The following XPO6 variants were observed in gnomAD, a reference collection of about 807,000 sequenced individuals.
XPO6 encodes exportin 6, also known as exportin-6.
Under a neutral mutation model 130.0 loss-of-function variants are expected in XPO6, and 3 were observed. The observed-to-expected ratio is 0.02, with a 90% CI of 0.01 to 0.06. The LOEUF is 0.06. Ranked by LOEUF, XPO6 falls within the 10% of genes least tolerant of loss-of-function variation. The probability of loss-of-function intolerance (pLI) is 1.00; values close to 1 mark genes in which losing one functional copy is unlikely to be tolerated. For synonymous variants in XPO6, 524 were observed against 548.9 expected (o/e 0.95, Z 0.63); for missense variants, 970 against 1,393.0 (o/e 0.70, Z 4.83).
At chr16:28,178,438 A>G (rs2043565003) in intron 2 of XPO6, among the ~76,000 whole-genome samples, 1 of 151,408 alleles carries the variant, frequency 6.6e-6, no homozygotes, top group African/African-American at 2.4e-5. Flanking sequence ...ATATGGTGGT[A>G]AGTGCCTGTA....
At chr16:28,156,605 A>AAAAAT in intron 6 of XPO6, 78 bp from the exon 7 acceptor site, 1 of 877,684 alleles carries the variant, frequency 1.1e-6, no homozygotes, top group Non-Finnish European at 1.7e-6. Context: ...CCTTCAAAAA[A>AAAAAT]ATATATATAT....
At chr16:28,163,944 A>G (rs549886113) in intron 6 of XPO6, among the ~76,000 whole-genome samples, 33 of 152,266 alleles carry the variant, frequency 2.2e-4, no homozygotes, top group African/African-American at 7.7e-4. Flanking sequence ...AGTGATCACT[A>G]TTGCAGCCAG....
At chr16:28,144,447 C>A (rs1296832085) in intron 9 of XPO6, among the ~76,000 whole-genome samples, 1 of 152,188 alleles carries the variant, frequency 6.6e-6, no homozygotes, top group Non-Finnish European at 1.5e-5. Context: ...TGTTCCCAGC[C>A]TGGAGAGCAG....
chr16:28,122,826 G>GTGGGTT (rs1445930866), intron 13 of XPO6, among the ~76,000 whole-genome samples: 1 of 152,046 alleles, frequency 6.6e-6, no homozygotes, highest in African/African-American at 2.4e-5. Flanking sequence ...AATCTATGTG[G>GTGGGTT]TGGGTATATG....
Position 28,152,751 on chromosome 16 carries a change from A to C in XPO6, c.1132T>G (p.Phe378Val). ...IEKFTDFLRL[F>V]VSVHLRRIES... ...ATTCTTCTTAGGTGAACACTCACAAAGAGCCGAAGAAAGTCAGTAAACTTC... is the reference window on the plus strand; with the variant it reads ...ATTCTTCTTAGGTGAACACTCACAACGAGCCGAAGAAAGTCAGTAAACTTC... Residue 378 changes from phenylalanine to valine, a missense_variant, in exon 8 of 24, where the codon TTT becomes GTT. Phe to Val is a conservative substitution (Grantham distance 50). This residue lies in a region of XPO6 where 936 missense variants were observed against 1,306.8 expected (regional missense o/e 0.72). Coordinates refer to ENST00000304658, the MANE Select transcript of XPO6 (RefSeq NM_015171.4). The C allele has an allele frequency of 6.2e-7, 1 of 1,613,676 alleles. No homozygotes were observed. The highest frequency in any genetic ancestry group is 1.7e-4 in the Middle Eastern group (1 of 6,058).
At chr16:28,167,629 G>C (rs1226268043) in intron 5 of XPO6, among the ~76,000 whole-genome samples, 1 of 152,112 alleles carries the variant, frequency 6.6e-6, no homozygotes, top group African/African-American at 2.4e-5. Context: ...ATCTTTAACT[G>C]TTTACTTGTG....
At chr16:28,211,187 TG>T (rs1005125214) in intron 1 of XPO6, among the ~76,000 whole-genome samples, 178 bp downstream of exon 1, 2 of 152,090 alleles carry the variant, frequency 1.3e-5, no homozygotes, top group African/African-American at 4.8e-5. Flanking sequence ...CCATCATCCC[TG>T]GGGGGATGGG....
intron 12 of XPO6, among the ~76,000 whole-genome samples, chr16:28,130,162 A>C (rs2042636652): frequency 6.6e-6 from 1 of 152,238 alleles, no homozygotes; most frequent in South Asian, 2.1e-4. Flanking sequence ...GCTCTGACAA[A>C]AGCAAAAGTG....
At position 28,098,265 on chromosome 16, in the gene XPO6, C is replaced by T. The variant is rs762553918; in HGVS notation, c.*273G>A. The T allele has an allele frequency of 3.3e-5, 12 of 362,680 alleles. No individual in the cohort carries two copies. Among genetic ancestry groups the T allele is most frequent in the Non-Finnish European group, 5.6e-5 (11 of 197,154 alleles). The allele number at this position is 362,680 out of a possible 1,614,324, so 22.5% of individuals were successfully genotyped here. ...TGCGCCTGGTCTGCATGGGCCACCC[C>T]GCGGGATTTCCTGGTGCCTCCTAGT... On this transcript the variant is annotated 3_prime_UTR_variant, in exon 24 of 24. Transcript: ENST00000304658.
chr16:28,153,657 T>TC (rs1213022665), intron 7 of XPO6: 1 of 985,230 alleles, frequency 1.0e-6, no homozygotes, highest in Admixed American at 6.2e-5. Context: ...AGCCCCTAAA[T>TC]ACCAAAAGGT....
Position 28,211,451 on chromosome 16 carries a change from C to G in XPO6, c.-83G>C. 1 of 1,292,610 alleles carries G rather than the reference C, an allele frequency of 7.7e-7. No individual in the cohort carries two copies. The highest frequency in any genetic ancestry group is 2.8e-5 in the East Asian group (1 of 35,204). The allele number at this position is 1,292,610 out of a possible 1,614,324, so 80.1% of individuals were successfully genotyped here. On this transcript the variant is annotated 5_prime_UTR_variant, in exon 1 of 24. Coordinates refer to ENST00000304658, the MANE Select transcript of XPO6 (RefSeq NM_015171.4). ...GCTCGCACAGTTCAGGTCATGGTCC[C>G]GGCAGACTCGGGAAGTCCCCCACCC...
chr16:28,123,265 C>T (rs918300984), intron 13 of XPO6, among the ~76,000 whole-genome samples: 47 of 152,036 alleles, frequency 3.1e-4, no homozygotes, highest in African/African-American at 1.1e-3. Context: ...GCCACCACAC[C>T]CAGCTAAATT....
At chr16:28,181,072 T>G (rs779446129) in intron 1 of XPO6, 41 bp from the exon 2 acceptor site, 41 of 1,468,152 alleles carry the variant, frequency 2.8e-5, no homozygotes, top group Non-Finnish European at 3.5e-5. Flanking sequence ...AGCTGCATCT[T>G]CAGTTCCACT....
chr16:28,178,790 G>A (rs574561480), intron 2 of XPO6, among the ~76,000 whole-genome samples: 16 of 151,542 alleles, frequency 1.1e-4, no homozygotes, highest in South Asian at 4.2e-4. Context: ...AAAAAAGGCC[G>A]GGCCCATTGG....
chr16:28,166,411 A>C, intron 6 of XPO6, 97 bp downstream of exon 6: 6 of 1,295,574 alleles, frequency 4.6e-6, no homozygotes. Context: ...CTCCCACCTC[A>C]GCCTCCTCAG....
intron 9 of XPO6, among the ~76,000 whole-genome samples, chr16:28,138,647 C>T (rs2042827428): frequency 6.6e-6 from 1 of 152,044 alleles, no homozygotes; most frequent in South Asian, 2.1e-4. Flanking sequence ...GTATTGAGGC[C>T]AACTCAAGGA....
At chr16:28,154,438 T>C in intron 7 of XPO6, 2 of 310,918 alleles carry the variant, frequency 6.4e-6, no homozygotes, top group South Asian at 1.3e-4. Flanking sequence ...TAATGAACAG[T>C]AGAAAGTTAG....
intron 5 of XPO6, among the ~76,000 whole-genome samples, chr16:28,169,315 C>T (rs1032568383): frequency 1.3e-5 from 2 of 152,216 alleles, no homozygotes; most frequent in African/African-American, 4.8e-5. Context: ...ACAACTACAA[C>T]CTAGTGCACA....
intron 1 of XPO6, among the ~76,000 whole-genome samples, chr16:28,187,626 C>T (rs978042679): frequency 1.3e-5 from 2 of 149,946 alleles, no homozygotes; most frequent in South Asian, 2.1e-4. Context: ...ACTGTTCATA[C>T]GTCATAGATA....
Sources: gnomAD v4.1 joint callset for allele counts (sites outside exome capture counted in the v4.1 genomes callset) on GRCh38, gnomAD v4.1.1 for gene constraint, gnomAD v4.1.1 regional missense constraint, MANE v1.5 for transcripts, NCBI Gene and HGNC (gene_info 2026-07-23, HGNC 2026-07-21) for gene names.